MYRIP: variants seen among roughly 807,000 people sequenced by gnomAD.
The protein encoded by MYRIP is rab effector MyRIP.
In MYRIP, 49 loss-of-function variants were observed where a neutral mutation model predicts 98.0. The observed-to-expected ratio is 0.50, with a 90% confidence interval of 0.40 to 0.63. The LOEUF is 0.63. Among genes scored for constraint, MYRIP ranks in the 30% least tolerant of loss-of-function variants. The probability of loss-of-function intolerance (pLI) is 0.00; values close to 1 mark genes in which losing one functional copy is unlikely to be tolerated. For missense variants in MYRIP, 1,004 were observed against 1,058.2 expected (o/e 0.95, Z 0.71); for synonymous variants, 404 against 409.5 (o/e 0.99, Z 0.16).
chr3:40,155,991 A>G (rs1188348996), intron 4 of MYRIP, among the ~76,000 whole-genome samples: 11 of 152,004 alleles, frequency 7.2e-5, no homozygotes, highest in Non-Finnish European at 1.6e-4. Context: ...AAGCTCTTTC[A>G]TTTAATTATA....
At chr3:40,231,828 G>A (rs1318593365) in intron 11 of MYRIP, among the ~76,000 whole-genome samples, 1 of 152,128 alleles carries the variant, frequency 6.6e-6, no homozygotes, top group South Asian at 2.1e-4. Flanking sequence ...CAAAGGCACT[G>A]TGTCTACCAA....
intron 3 of MYRIP, among the ~76,000 whole-genome samples, chr3:40,146,455 T>C (rs1466579402): frequency 2.6e-5 from 4 of 152,216 alleles, no homozygotes; most frequent in Middle Eastern, 3.2e-3. Context: ...TTTCTCTTCA[T>C]TGAAGTCAGT....
chr3:40,049,467 T>C (rs1250531460), intron 3 of MYRIP, among the ~76,000 whole-genome samples: 1 of 152,088 alleles, frequency 6.6e-6, no homozygotes, highest in Non-Finnish European at 1.5e-5. Context: ...ACCACACCCA[T>C]ATAAGACAGG....
chr3:40,167,256 A>G lies in MYRIP; in HGVS notation c.729+17A>G. The G allele has an allele frequency of 2.5e-6, 4 of 1,613,120 alleles. No homozygotes were observed. The South Asian group carries it at 4.4e-5, about 18-fold the overall frequency. ...CTGCAGAAGGTAGGTGGGTCCTGGCAGTGGGATGGCTGCAGTTTCCTGGCT... is the reference window on the plus strand; with the variant it reads ...CTGCAGAAGGTAGGTGGGTCCTGGCGGTGGGATGGCTGCAGTTTCCTGGCT... On this transcript the variant is annotated intron_variant, in intron 7 of 16. Transcript: ENST00000302541.
chr3:40,101,881 A>G (rs972023537), intron 3 of MYRIP, among the ~76,000 whole-genome samples: 45 of 152,310 alleles, frequency 3.0e-4, no homozygotes, highest in Middle Eastern at 3.4e-3. Context: ...TTTACCTTTA[A>G]TAGTGATGCA....
chr3:40,128,262 A>G (rs780669010), intron 3 of MYRIP, among the ~76,000 whole-genome samples: 29 of 152,282 alleles, frequency 1.9e-4, no homozygotes, highest in Non-Finnish European at 3.5e-4. Flanking sequence ...TATGTACAGA[A>G]ACAGTCCAGT....
intron 2 of MYRIP, among the ~76,000 whole-genome samples, chr3:39,939,271 C>G (rs1158439512): frequency 6.6e-6 from 1 of 152,226 alleles, no homozygotes; most frequent in South Asian, 2.1e-4. Flanking sequence ...CATGAAACAG[C>G]TCAAGAAAGA....
Position 40,244,554 on chromosome 3 carries a change from C to T in MYRIP, c.2209C>T (p.Leu737=). The change falls in exon 13 of 17, where the codon CTG becomes TTG. Residue 737 remains leucine (L), a synonymous_variant. Transcript: ENST00000302541. ...CACTGATGAGACCCATCTGGCGGAT[C>T]TGGAGGACCAGGTGGCCACGGCTGC... ...SGTDETHLAD[L]EDQVATAAAQ... is the part of the protein sequence containing the mutation. The T allele has an allele frequency of 1.9e-6, 3 of 1,614,072 alleles. No individual in the cohort carries two copies. The highest frequency in any genetic ancestry group is 2.5e-6 in the Non-Finnish European group (3 of 1,179,952).
At chr3:40,216,167 A>G (rs546767557) in intron 11 of MYRIP, among the ~76,000 whole-genome samples, 1 of 152,328 alleles carries the variant, frequency 6.6e-6, no homozygotes, top group East Asian at 1.9e-4. Flanking sequence ...TGCAGGCATT[A>G]CCTGGAAGGC....
Position 40,084,738 on chromosome 3 carries a change from T to A in MYRIP, c.332+40467T>A, listed in dbSNP as rs966406630. Among the ~76,000 whole-genome samples, 4 of 146,078 alleles carry A rather than the reference T, an allele frequency of 2.7e-5. 1 individual carries two copies. Among genetic ancestry groups the A allele is most frequent in the Non-Finnish European group, 3.0e-5 (2 of 66,706 alleles). The stretch of plus-strand genomic sequence containing the variant: ...TATCTATGTATTACATGTCGATAGA[T>A]AATATGTATCTATGTGTTACATGTC... On this transcript the variant is annotated intron_variant, in intron 3 of 16. Transcript: ENST00000302541.
At position 40,182,258 on chromosome 3, in the gene MYRIP, C is replaced by T. The variant is rs1950900631; in HGVS notation, c.912C>T (p.Ala304=). Reference sequence around the variant, plus strand: ...CCTTCTCAATCACTGGAGAAGAAGCCCTGAAGACCCCTCCAGTGGAGGCTC... The same window carrying T: ...CCTTCTCAATCACTGGAGAAGAAGCTCTGAAGACCCCTCCAGTGGAGGCTC... ...QSAFSITGEE[A]LKTPPVEAPS... is the part of the protein sequence containing the mutation. Residue 304 remains alanine (A), a synonymous_variant, in exon 9 of 17, where the codon GCC becomes GCT. Coordinates refer to ENST00000302541, the MANE Select transcript of MYRIP (RefSeq NM_015460.4). 1.2e-6 allele frequency: 2 copies of T among 1,613,524 alleles called. No homozygotes were observed. The highest frequency in any genetic ancestry group is 1.6e-4 in the Middle Eastern group (1 of 6,082).
At chr3:39,885,264 T>C (rs1363087399) in intron 1 of MYRIP, among the ~76,000 whole-genome samples, 1 of 152,064 alleles carries the variant, frequency 6.6e-6, no homozygotes, top group East Asian at 1.9e-4. Context: ...TTGAAATTTT[T>C]ATATTGGGGG....
At chr3:40,078,398 G>A (rs1333488576) in intron 3 of MYRIP, among the ~76,000 whole-genome samples, 1 of 152,188 alleles carries the variant, frequency 6.6e-6, no homozygotes, top group Non-Finnish European at 1.5e-5. Flanking sequence ...GGCTCCTCAA[G>A]TGCCGCCAAA....
chr3:39,911,893 A>G (rs1598991), intron 2 of MYRIP, among the ~76,000 whole-genome samples: 74,099 of 151,980 alleles, frequency 0.49, 19,136 homozygotes, highest in African/African-American at 0.67. Context: ...AAGCCAACAG[A>G]TCCACCTCCT....
At chr3:40,104,989 AC>A (rs1949027264) in intron 3 of MYRIP, among the ~76,000 whole-genome samples, 1 of 152,114 alleles carries the variant, frequency 6.6e-6, no homozygotes, top group Non-Finnish European at 1.5e-5. Flanking sequence ...ACCATTTTTA[AC>A]TGTTTCACTG....
chr3:39,866,276 G>A (rs370176177), intron 1 of MYRIP, among the ~76,000 whole-genome samples: 3 of 151,780 alleles, frequency 2.0e-5, no homozygotes, highest in African/African-American at 4.8e-5. Context: ...TACACCAAAC[G>A]CCCATGACAC....
chr3:39,885,099 A>G (rs1414876698), intron 1 of MYRIP, among the ~76,000 whole-genome samples: 1 of 151,958 alleles, frequency 6.6e-6, no homozygotes, highest in African/African-American at 2.4e-5. Context: ...TAGGTTAAAT[A>G]ACAAAAAGTC....
intron 2 of MYRIP, among the ~76,000 whole-genome samples, chr3:39,936,291 T>G (rs553335008): frequency 6.6e-6 from 1 of 152,290 alleles, no homozygotes; most frequent in Admixed American, 6.5e-5. Context: ...ATCCTCAAGA[T>G]TAATATTTGT....
chr3:39,958,259 C>T lies in MYRIP; in HGVS notation c.110+57333C>T, dbSNP rs576677426. 5.1e-4 allele frequency among the ~76,000 whole-genome samples: 77 copies of T among 152,220 alleles called. No individual in the cohort carries two copies. In the East Asian group the frequency reaches 0.01, roughly 21 times the overall value. On this transcript the variant is annotated intron_variant, in intron 2 of 16. Transcript: ENST00000302541. ...CAAAAGAACAAAGCTGGAGGCATCA[C>T]GCTACCTGACTTCAAACTATACTAC...
Sources: allele counts gnomAD v4.1 joint callset (sites outside exome capture counted in the v4.1 genomes callset), GRCh38; gene constraint gnomAD v4.1.1; transcripts MANE v1.5; gene names NCBI Gene and HGNC (gene_info 2026-07-23, HGNC 2026-07-21).